MAPK9: variants seen among roughly 807,000 people sequenced by gnomAD.
MAPK9 encodes mitogen-activated protein kinase 9, also known as Jun kinase.
Under a neutral mutation model 57.1 loss-of-function variants are expected in MAPK9, and 30 were observed. The observed-to-expected ratio is 0.53, with a 90% CI of 0.39 to 0.71. The LOEUF is 0.71. Ranked by LOEUF, MAPK9 falls within the 30% of genes least tolerant of loss-of-function variation. The probability of loss-of-function intolerance (pLI) is 0.00; values close to 1 mark genes in which losing one functional copy is unlikely to be tolerated. For synonymous variants in MAPK9, 155 were observed against 177.0 expected, an observed-to-expected ratio of 0.88 and a Z score of 0.99; for missense variants, 362 against 521.0, an observed-to-expected ratio of 0.69 and a Z score of 2.97.
intron 1 of MAPK9, among the ~76,000 whole-genome samples, chr5:180,284,563 AC>A (rs1190807398): frequency 6.6e-6 from 1 of 152,246 alleles, no homozygotes; most frequent in Non-Finnish European, 1.5e-5. Context: ...AAGTGGTAAA[AC>A]ATTTTTTTAG....
chr5:180,243,507 G>C (rs1045831140), intron 7 of MAPK9, among the ~76,000 whole-genome samples: 17 of 152,264 alleles, frequency 1.1e-4, no homozygotes, highest in East Asian at 9.6e-4. Flanking sequence ...TTACATGTGG[G>C]AAAGTGACAC....
chr5:180,233,817 A>G lies in MAPK9; in HGVS notation c.*2567T>C, dbSNP rs1756995609. On this transcript the variant is annotated 3_prime_UTR_variant, in exon 12 of 12. Transcript: ENST00000452135. ...CACAGCATTAAATGCGGGTTGAAGC[A>G]GCACCCGCTCCGTGTTTCAGACACG... is the stretch of plus-strand genomic sequence containing the variant. The G allele has an allele frequency of 6.6e-6, 1 of 152,246 alleles. No individual in the cohort carries two copies. Among genetic ancestry groups the G allele is most frequent in the South Asian group, 2.1e-4 (1 of 4,832 alleles). 9.4% of individuals were successfully genotyped at this position (152,246 alleles called of 1,614,324 possible).
intron 7 of MAPK9, among the ~76,000 whole-genome samples, chr5:180,244,589 G>T (rs530432162): frequency 6.6e-6 from 1 of 151,882 alleles, no homozygotes; most frequent in Non-Finnish European, 1.5e-5. Flanking sequence ...GCCTGGCCAA[G>T]ACGGTGAAAC....
At chr5:180,264,701 A>C (rs1359642920) in intron 4 of MAPK9, 80 bp downstream of exon 4, 2 of 1,322,486 alleles carry the variant, frequency 1.5e-6, no homozygotes, top group African/African-American at 3.1e-5. Context: ...ACATTTCCTA[A>C]GTATAAAAAG....
chr5:180,243,101 T>C (rs1273760183), intron 7 of MAPK9, among the ~76,000 whole-genome samples: 2 of 152,158 alleles, frequency 1.3e-5, no homozygotes, highest in Non-Finnish European at 2.9e-5. Flanking sequence ...ATAAGCAAAT[T>C]GAAATCAGTT....
Position 180,236,308 on chromosome 5 carries a change from C to T in MAPK9, c.*76G>A. 1 of 1,465,268 alleles carries T rather than the reference C, an allele frequency of 6.8e-7. No homozygotes were observed. Among genetic ancestry groups the T allele is most frequent in the Non-Finnish European group, 9.2e-7 (1 of 1,087,292 alleles). The allele number at this position is 1,465,268 out of a possible 1,614,324, so 90.8% of individuals were successfully genotyped here. A position where few individuals can be genotyped will look rare whatever the true frequency, so the allele number is the denominator to read the frequency against. ...AACATGGAGTTTTTCTATTTGGTTC[C>T]ATCAACTCCCAAGCATTTCAGGCCC... On this transcript the variant is annotated 3_prime_UTR_variant, in exon 12 of 12. Coordinates refer to ENST00000452135, the MANE Select transcript of MAPK9 (RefSeq NM_002752.5).
chr5:180,234,605 G>T lies in MAPK9; in HGVS notation c.*1779C>A, dbSNP rs1268104423. 1 of 152,208 alleles carries T rather than the reference G, an allele frequency of 6.6e-6. No individual in the cohort carries two copies. Among genetic ancestry groups the T allele is most frequent in the Non-Finnish European group, 1.5e-5 (1 of 68,048 alleles). The allele number at this position is 152,208 out of a possible 1,614,324, so 9.4% of individuals were successfully genotyped here. Reference sequence around the variant, plus strand: ...CCTTTTGTTTTTCCTTTTAAAGATAGATTTAGTGAAGTCTTTTAAAAGAAA... The same window carrying T: ...CCTTTTGTTTTTCCTTTTAAAGATATATTTAGTGAAGTCTTTTAAAAGAAA... On this transcript the variant is annotated 3_prime_UTR_variant, in exon 12 of 12. Coordinates refer to ENST00000452135, the MANE Select transcript of MAPK9 (RefSeq NM_002752.5).
chr5:180,249,003 C>T lies in MAPK9; in HGVS notation c.586G>A (p.Val196Ile). ...VVTRYYRAPEVILGMGYKENV... is the reference protein window; with the variant it reads ...VVTRYYRAPEIILGMGYKENV... Reference sequence around the variant, plus strand: ...TCTTTGTAGCCCATACCCAGGATGACTTCGGGCGCCCGGTAGTACCGTGTC... The same window carrying T: ...TCTTTGTAGCCCATACCCAGGATGATTTCGGGCGCCCGGTAGTACCGTGTC... Residue 196 changes from valine to isoleucine, a missense_variant, in exon 6 of 12, where the codon GTC becomes ATC. Val to Ile is a conservative substitution (Grantham distance 29). This residue lies in a region of MAPK9 where 127 missense variants were observed against 231.7 expected (regional missense o/e 0.55). Coordinates refer to ENST00000452135, the MANE Select transcript of MAPK9 (RefSeq NM_002752.5). 1.2e-6 allele frequency: 2 copies of T among 1,613,430 alleles called. No homozygotes were observed. Among genetic ancestry groups the T allele is most frequent in the Non-Finnish European group, 1.7e-6 (2 of 1,179,564 alleles).
chr5:180,291,743 C>T (rs1036567710), intron 1 of MAPK9, 105 bp downstream of exon 1: 2 of 149,576 alleles, frequency 1.3e-5, no homozygotes, highest in Non-Finnish European at 3.0e-5. Context: ...CCCCGCAGCC[C>T]CCGGCCCGCC....
Position 180,248,961 on chromosome 5 carries a change from G to A in MAPK9, c.616+12C>T, listed in dbSNP as rs971538187. On this transcript the variant is annotated intron_variant, in intron 6 of 11. Transcript: ENST00000452135. ...AAACATCCCAGCCTCTTCCAGCCCC[G>A]GCTATACTCACCGTTCTCTTTGTAG... The A allele has an allele frequency of 1.0e-5, 16 of 1,595,562 alleles. No homozygotes were observed. Among genetic ancestry groups the A allele is most frequent in the Admixed American group, 8.8e-5 (5 of 56,672 alleles).
intron 9 of MAPK9, among the ~76,000 whole-genome samples, chr5:180,240,766 T>TA (rs1757577535): frequency 6.6e-6 from 1 of 152,224 alleles, no homozygotes. Context: ...AGATGCTTAA[T>TA]AAACTATGAG....
intron 5 of MAPK9, among the ~76,000 whole-genome samples, chr5:180,259,854 C>T (rs900977143): frequency 6.6e-6 from 1 of 152,180 alleles, no homozygotes; most frequent in Admixed American, 6.5e-5. Flanking sequence ...TTAGATATTC[C>T]AGTCCTGTAT....
chr5:180,236,590 G>A lies in MAPK9; in HGVS notation c.1133-64C>T, dbSNP rs76031998. 3.0e-5 allele frequency: 46 copies of A among 1,557,320 alleles called. No individual in the cohort carries two copies. In the African/African-American group the frequency reaches 4.7e-4, roughly 16 times the overall value. On this transcript the variant is annotated intron_variant, in intron 11 of 11. Coordinates refer to ENST00000452135, the MANE Select transcript of MAPK9 (RefSeq NM_002752.5). ...CGACATTGCTGCAAATCCAGGCAGCGAGACTGCAGGCCATTTCTCGGCTCT... is the reference window on the plus strand; with the variant it reads ...CGACATTGCTGCAAATCCAGGCAGCAAGACTGCAGGCCATTTCTCGGCTCT...
chr5:180,255,514 G>C (rs898633341), intron 5 of MAPK9, among the ~76,000 whole-genome samples: 2 of 152,050 alleles, frequency 1.3e-5, no homozygotes, highest in Non-Finnish European at 2.9e-5. Flanking sequence ...GATGCCTGAT[G>C]GAAGAGTTAG....
intron 5 of MAPK9, among the ~76,000 whole-genome samples, chr5:180,252,995 T>C (rs546911745): frequency 6.6e-6 from 1 of 152,162 alleles, no homozygotes; most frequent in Non-Finnish European, 1.5e-5. Flanking sequence ...CAGGGTGGAC[T>C]GTGGGGTCCA....
At position 180,235,577 on chromosome 5, in the gene MAPK9, T is replaced by C. The variant is rs1757115079; in HGVS notation, c.*807A>G. 6.6e-6 allele frequency: 1 copy of C among 152,162 alleles called. No individual in the cohort carries two copies. The highest frequency in any genetic ancestry group is 1.5e-5 in the Non-Finnish European group (1 of 68,034). The allele number at this position is 152,162 out of a possible 1,614,324, so 9.4% of individuals were successfully genotyped here. Reference sequence around the variant, plus strand: ...TGAAGTTCTAGGTAGCATTTTAAATTCATAAGAAGTCTAGAAGACCAAGAA... The same window carrying C: ...TGAAGTTCTAGGTAGCATTTTAAATCCATAAGAAGTCTAGAAGACCAAGAA... On this transcript the variant is annotated 3_prime_UTR_variant, in exon 12 of 12. Coordinates refer to ENST00000452135, the MANE Select transcript of MAPK9 (RefSeq NM_002752.5).
chr5:180,263,717 T>TC (rs1306712249), intron 4 of MAPK9, among the ~76,000 whole-genome samples: 1 of 150,260 alleles, frequency 6.7e-6, no homozygotes, highest in African/African-American at 2.5e-5. Context: ...TTTTTTTTTT[T>TC]TTTTTTGAGA....
rs1038700062 is a variant in MAPK9, at chr5:180,247,144, G to A, written c.688+295C>T. On this transcript the variant is annotated intron_variant, in intron 7 of 11. Transcript: ENST00000452135. This position sits in a 1 kb window ranked among gnomAD's most constrained non-coding sequence, Gnocchi z 4.5. ...AATATCAGAATATACTTATCAAAGA[G>A]TAAATAATTTCTTCTATGTGTCCAG... 1.7e-5 allele frequency: 8 copies of A among 468,370 alleles called. No homozygotes were observed. Among genetic ancestry groups the A allele is most frequent in the Admixed American group, 7.8e-5 (2 of 25,700 alleles). The allele number at this position is 468,370 out of a possible 1,614,324, so 29.0% of individuals were successfully genotyped here. A position where few individuals can be genotyped will look rare whatever the true frequency, so the allele number is the denominator to read the frequency against.
At chr5:180,261,576 T>C in intron 5 of MAPK9, 108 bp downstream of exon 5, 5 of 1,065,186 alleles carry the variant, frequency 4.7e-6, no homozygotes, top group Non-Finnish European at 5.3e-6. Flanking sequence ...CCATCATCTA[T>C]TTGGATTTTC....
Sources: allele counts gnomAD v4.1 joint callset (sites outside exome capture counted in the v4.1 genomes callset), GRCh38; gene constraint gnomAD v4.1.1; regional missense constraint gnomAD v4.1.1; non-coding constraint Gnocchi (gnomAD v3.1); transcripts MANE v1.5; gene names NCBI Gene and HGNC (gene_info 2026-07-23, HGNC 2026-07-21).